The following DMRT3 variants were observed in gnomAD, a reference collection of about 807,000 sequenced individuals.
The protein encoded by DMRT3 is doublesex- and mab-3-related transcription factor 3.
In DMRT3, 29 loss-of-function variants were observed where a neutral mutation model predicts 34.9. The ratio of observed to expected loss-of-function variants is 0.83; its 90% CI spans 0.62 to 1.13. The LOEUF is 1.13. DMRT3 is among the 50% of genes most tolerant of loss of function. The pLI, the probability that DMRT3 is intolerant of heterozygous loss-of-function variation, is 0.00. For missense variants in DMRT3, 772 were observed against 629.1 expected (o/e 1.23, Z -2.43); for synonymous variants, 350 against 286.0 (o/e 1.22, Z -2.26).
chr9:990,699 G>A lies in DMRT3; in HGVS notation c.1113G>A (p.Met371Ile), dbSNP rs756053766. The change falls in exon 2 of 2, where the codon ATG (methionine) becomes ATA (isoleucine). Residue 371 changes from methionine (M) to isoleucine (I), a missense_variant. Met to Ile is a conservative substitution (Grantham distance 10). Coordinates refer to ENST00000190165, the MANE Select transcript of DMRT3 (RefSeq NM_021240.4). ...CCCAGCCACCCCGGTACCCGCTGAT[G>A]CTGAGGAATACTTTGGCGAGAAGCC... ...PFPQPPRYPL[M>I]LRNTLARSQS... The A allele has an allele frequency of 1.5e-5, 25 of 1,613,956 alleles. No homozygotes were observed. In the East Asian group the frequency reaches 3.8e-4, roughly 24 times the overall value.
In DMRT3 at chr9:990,429, C is replaced by T. The variant is rs144301240; in HGVS notation, c.843C>T (p.Ala281=). The T allele has an allele frequency of 3.4e-5, 55 of 1,614,112 alleles. 1 individual carries two copies. Among genetic ancestry groups the T allele is most frequent in the Admixed American group, 2.0e-4 (12 of 60,022 alleles). Residue 281 remains alanine, a synonymous_variant, in exon 2 of 2, where the codon GCC becomes GCT. Coordinates refer to ENST00000190165, the MANE Select transcript of DMRT3 (RefSeq NM_021240.4). ...LKGCGGDLVS[A]VEVLLSSRSS... ...GCTGTGGCGGGGACCTGGTGAGCGCCGTGGAAGTCCTTCTGTCCAGCCGAT... is the reference window on the plus strand; with the variant it reads ...GCTGTGGCGGGGACCTGGTGAGCGCTGTGGAAGTCCTTCTGTCCAGCCGAT...
chr9:990,208 C>T lies in DMRT3; in HGVS notation c.622C>T (p.Gln208Ter). ...VSVEEGGYAV[Q>*]KNGGNPESRP... Reference sequence around the variant, plus strand: ...CGTGGAGGAAGGGGGATACGCTGTCCAGAAAAACGGAGGCAACCCCGAGAG... The same window carrying T: ...CGTGGAGGAAGGGGGATACGCTGTCTAGAAAAACGGAGGCAACCCCGAGAG... Residue 208 changes from glutamine (Q) to a stop codon, truncating the protein, a stop_gained, in exon 2 of 2, where the codon CAG becomes TAG. Transcript: ENST00000190165. LOFTEE classifies it high-confidence loss of function. 5 of 1,613,942 alleles carry T rather than the reference C, an allele frequency of 3.1e-6. No homozygotes were observed. Among genetic ancestry groups the T allele is most frequent in the Non-Finnish European group, 4.2e-6 (5 of 1,180,016 alleles).
intron 1 of DMRT3, among the ~76,000 whole-genome samples, chr9:982,803 C>G (rs12346410): frequency 6.6e-6 from 1 of 152,184 alleles, no homozygotes; most frequent in Non-Finnish European, 1.5e-5. Flanking sequence ...CCTGCCTGCC[C>G]GCCTCCTCTT....
At chr9:978,506 G>C (rs1820179412) in intron 1 of DMRT3, among the ~76,000 whole-genome samples, 1 of 152,244 alleles carries the variant, frequency 6.6e-6, no homozygotes, top group Admixed American at 6.5e-5. Flanking sequence ...CCTCCTGTAA[G>C]TAGAACTGTG....
Position 976,964 on chromosome 9 carries a change from C to A in DMRT3, c.-38C>A. The A allele has an allele frequency of 7.0e-7, 1 of 1,434,710 alleles. No homozygotes were observed. The highest frequency in any genetic ancestry group is 9.2e-7 in the Non-Finnish European group (1 of 1,092,094). 88.9% of individuals were successfully genotyped at this position (1,434,710 alleles called of 1,614,324 possible). A position where few individuals can be genotyped will look rare whatever the true frequency, so the allele number is the denominator to read the frequency against. ...CCGTCCAGCGCTCCCTGGCCCTCTC[C>A]CGCAGCCAGGCTGCCAACTCATTCG... On this transcript the variant is annotated 5_prime_UTR_variant, in exon 1 of 2. Coordinates refer to ENST00000190165, the MANE Select transcript of DMRT3 (RefSeq NM_021240.4). The surrounding 1 kb of genome is among the most constrained non-coding windows in gnomAD (Gnocchi z 4.5).
chr9:977,740 C>T (rs1038332881), intron 1 of DMRT3, among the ~76,000 whole-genome samples: 4 of 152,176 alleles, frequency 2.6e-5, no homozygotes, highest in African/African-American at 9.7e-5. Context: ...TTGAAGGGTT[C>T]GGAACGTGTC....
chr9:982,044 C>G (rs139049633), intron 1 of DMRT3, among the ~76,000 whole-genome samples: 1 of 152,328 alleles, frequency 6.6e-6, no homozygotes, highest in Non-Finnish European at 1.5e-5. Context: ...AAATAGGATG[C>G]CAATATTGCA....
At chr9:986,416 C>G (rs997176138) in intron 1 of DMRT3, among the ~76,000 whole-genome samples, 2 of 151,898 alleles carry the variant, frequency 1.3e-5, no homozygotes, top group Admixed American at 6.6e-5. Flanking sequence ...TTCAGTTAGC[C>G]TTCTGCTGTT....
At chr9:989,834 C>T in intron 1 of DMRT3, 2 of 585,718 alleles carry the variant, frequency 3.4e-6, no homozygotes, top group South Asian at 2.6e-5. Context: ...CAGGAAGCCA[C>T]TCTGATTTCT....
rs922863169 is a variant in DMRT3, at chr9:976,691, G to A, written c.-311G>A. Among the ~76,000 whole-genome samples the A allele has an allele frequency of 2.0e-5, 3 of 152,196 alleles. No individual in the cohort carries two copies. Among genetic ancestry groups the A allele is most frequent in the Non-Finnish European group, 2.9e-5 (2 of 68,024 alleles). On this transcript the variant is annotated 5_prime_UTR_variant, in exon 1 of 2. Coordinates refer to ENST00000190165, the MANE Select transcript of DMRT3 (RefSeq NM_021240.4). This position sits in a 1 kb window ranked among gnomAD's most constrained non-coding sequence, Gnocchi z 4.5. ...GGCTCAGACCTTAATCAGAGCTGTCGCCGGCTCCTTGCAGCCGCCGCAGCG... is the reference window on the plus strand; with the variant it reads ...GGCTCAGACCTTAATCAGAGCTGTCACCGGCTCCTTGCAGCCGCCGCAGCG...
At chr9:979,602 A>T (rs1164033593) in intron 1 of DMRT3, among the ~76,000 whole-genome samples, 43 of 152,084 alleles carry the variant, frequency 2.8e-4, no homozygotes, top group Admixed American at 2.7e-3. Context: ...CATAATTCCC[A>T]TTTTTTTAAA....
chr9:977,818 C>T (rs1463218744), intron 1 of DMRT3, among the ~76,000 whole-genome samples: 3 of 152,188 alleles, frequency 2.0e-5, no homozygotes, highest in African/African-American at 7.2e-5. Context: ...ACACTCACTA[C>T]GGTGGGGTCG....
chr9:978,055 A>T (rs1820174569), intron 1 of DMRT3, among the ~76,000 whole-genome samples: 1 of 152,178 alleles, frequency 6.6e-6, no homozygotes. Flanking sequence ...GACTCTTGTA[A>T]CTGGTGAAAT....
At position 976,887 on chromosome 9, in the gene DMRT3, A is replaced by C; in HGVS notation, c.-115A>C. The C allele has an allele frequency of 1.7e-6, 2 of 1,175,832 alleles. No homozygotes were observed. The highest frequency in any genetic ancestry group is 2.2e-6 in the Non-Finnish European group (2 of 900,808). 72.8% of individuals were successfully genotyped at this position (1,175,832 alleles called of 1,614,324 possible). ...CACACACGACCACCGGGGCTGCGGG[A>C]CCAAGGGCCGCGTCGCCCGGAGGCC... On this transcript the variant is annotated 5_prime_UTR_variant, in exon 1 of 2. Transcript: ENST00000190165. This position sits in a 1 kb window ranked among gnomAD's most constrained non-coding sequence, Gnocchi z 4.5.
At chr9:979,440 G>A (rs1230477529) in intron 1 of DMRT3, among the ~76,000 whole-genome samples, 16 of 152,108 alleles carry the variant, frequency 1.1e-4, no homozygotes, top group Admixed American at 1.0e-3. Context: ...AGGAGAATAG[G>A]ATTTATCACA....
intron 1 of DMRT3, among the ~76,000 whole-genome samples, chr9:989,113 A>G (rs1307016136): frequency 6.6e-6 from 1 of 152,070 alleles, no homozygotes; most frequent in Admixed American, 6.5e-5. Context: ...TTCTTTTCAT[A>G]TAATATAAAA....
Position 991,039 on chromosome 9 carries a change from T to A in DMRT3, c.*34T>A, listed in dbSNP as rs532029834. On this transcript the variant is annotated 3_prime_UTR_variant, in exon 2 of 2. Transcript: ENST00000190165. ...TGGATGGGTGGTGGCCAGGTGACATTTTCTGTGCGTTTTGACCCTGAGGCA... is the reference window on the plus strand; with the variant it reads ...TGGATGGGTGGTGGCCAGGTGACATATTCTGTGCGTTTTGACCCTGAGGCA... 10 of 1,574,462 alleles carry A rather than the reference T, an allele frequency of 6.4e-6. No homozygotes were observed. The South Asian group carries it at 1.2e-4, about 19-fold the overall frequency.
chr9:979,521 A>C (rs1432289375), intron 1 of DMRT3, among the ~76,000 whole-genome samples: 1 of 151,762 alleles, frequency 6.6e-6, no homozygotes, highest in Non-Finnish European at 1.5e-5. Flanking sequence ...CCAGCTGGTC[A>C]CCCCCACCCC....
rs750564738 is a variant in DMRT3, at chr9:977,181, C to T, written c.180C>T (p.Leu60=). 35 of 1,610,432 alleles carry T rather than the reference C, an allele frequency of 2.2e-5. No individual in the cohort carries two copies. Among genetic ancestry groups the T allele is most frequent in the South Asian group, 7.7e-5 (7 of 90,514 alleles). ...FKDCTCEKCI[L]IIERQRVMAA... ...ACTGCACCTGCGAGAAGTGCATCCT[C>T]ATCATCGAGCGGCAGCGGGTCATGG... The change falls in exon 1 of 2, where the codon CTC becomes CTT. Residue 60 remains leucine (L), a synonymous_variant. Coordinates refer to ENST00000190165, the MANE Select transcript of DMRT3 (RefSeq NM_021240.4).
Sources: allele counts gnomAD v4.1 joint callset (sites outside exome capture counted in the v4.1 genomes callset), GRCh38; gene constraint gnomAD v4.1.1; non-coding constraint Gnocchi (gnomAD v3.1); transcripts MANE v1.5; gene names NCBI Gene and HGNC (gene_info 2026-07-23, HGNC 2026-07-21).